The following DMD variants were observed in gnomAD, a reference collection of about 807,000 sequenced individuals.
DMD encodes the protein dystrophin.
Under a neutral mutation model 330.1 loss-of-function variants are expected in DMD, and 63 were observed. The ratio of observed to expected loss-of-function variants is 0.19; its 90% confidence interval spans 0.16 to 0.24. DMD has a LOEUF of 0.24. Ranked by LOEUF, DMD falls within the 10% of genes least tolerant of loss-of-function variation. The probability of loss-of-function intolerance (pLI) is 1.00; values close to 1 mark genes in which losing one functional copy is unlikely to be tolerated. For missense variants in DMD, 3,344 were observed against 2,684.1 expected, an observed-to-expected ratio of 1.25 and a Z score of -5.43; for synonymous variants, 1,223 against 959.8, an observed-to-expected ratio of 1.27 and a Z score of -5.07.
At chrX:32,925,145 G>GTTTTTTTTTTTTT (rs777224221) in intron 2 of DMD, among the ~76,000 whole-genome samples, 3 of 48,531 alleles carry the variant, frequency 6.2e-5, no homozygotes, top group Admixed American at 2.7e-4. Context: ...AAAACTCTGG[G>GTTTTTTTTTTTTT]TTTTTTTTTT....
chrX:32,877,452 TCTAG>T (rs943949827), intron 2 of DMD, among the ~76,000 whole-genome samples: 3 of 112,665 alleles, frequency 2.7e-5, no homozygotes, highest in Admixed American at 9.4e-5. Flanking sequence ...TTCTTTTAAC[TCTAG>T]CTATAGTACA....
chrX:31,573,783 C>T (rs2075948914), intron 55 of DMD, among the ~76,000 whole-genome samples: 1 of 110,988 alleles, frequency 9.0e-6, no homozygotes, highest in Non-Finnish European at 1.9e-5. Flanking sequence ...AGATAGAAGG[C>T]CCTTTAACCT....
At chrX:32,599,375 T>C (rs113377417) in intron 12 of DMD, among the ~76,000 whole-genome samples, 32 of 111,816 alleles carry the variant, frequency 2.9e-4, no homozygotes, top group African/African-American at 9.7e-4. Context: ...GCCTTGATCA[T>C]TGGGGTAAAG....
intron 45 of DMD, among the ~76,000 whole-genome samples, chrX:31,933,502 A>C (rs1013663885): frequency 9.0e-5 from 7 of 77,918 alleles, no homozygotes; most frequent in Non-Finnish European, 1.5e-4. Context: ...GCTTAAAATA[A>C]TTGAAAATTT....
chrX:32,704,391 A>G (rs1197553427), intron 7 of DMD, among the ~76,000 whole-genome samples: 1 of 111,963 alleles, frequency 8.9e-6, no homozygotes, highest in African/African-American at 3.2e-5. Flanking sequence ...TTGGGCAGTC[A>G]ACCTCAGGGA....
intron 1 of DMD, among the ~76,000 whole-genome samples, chrX:33,113,304 G>A (rs1169270201): frequency 2.7e-5 from 3 of 110,689 alleles, no homozygotes; most frequent in East Asian, 5.7e-4. Flanking sequence ...TGATCCGCAC[G>A]CCTCAGCCGC....
intron 60 of DMD, among the ~76,000 whole-genome samples, chrX:31,398,891 T>A (rs191616949): frequency 0.015 from 1,649 of 111,786 alleles, 9 homozygotes; most frequent in Middle Eastern, 0.023. Flanking sequence ...ACTCACTCGC[T>A]GGTCCACCCC....
chrX:32,640,327 C>T (rs1015940402), intron 11 of DMD, among the ~76,000 whole-genome samples: 51 of 107,505 alleles, frequency 4.7e-4, no homozygotes, highest in Non-Finnish European at 5.9e-4. Context: ...TGCTGTTTTA[C>T]AAAACTATAA....
intron 27 of DMD, among the ~76,000 whole-genome samples, chrX:32,443,571 T>A (rs1569562672): frequency 9.0e-6 from 1 of 110,820 alleles, no homozygotes; most frequent in Non-Finnish European, 1.9e-5. Context: ...TCTTATTAAC[T>A]TTGGTGCAGA....
chrX:32,000,349 A>G (rs1212954764), intron 44 of DMD, among the ~76,000 whole-genome samples: 2 of 112,317 alleles, frequency 1.8e-5, no homozygotes, highest in Non-Finnish European at 3.8e-5. Flanking sequence ...TTCTCAGAAC[A>G]AATAGGTTGA....
At chrX:31,826,216 G>T (rs900560117) in intron 49 of DMD, among the ~76,000 whole-genome samples, 5 of 111,548 alleles carry the variant, frequency 4.5e-5, no homozygotes, top group African/African-American at 9.8e-5. Flanking sequence ...TAAATGAGGG[G>T]TTACTATAAT....
intron 62 of DMD, among the ~76,000 whole-genome samples, chrX:31,281,223 T>C (rs950232940): frequency 8.9e-6 from 1 of 111,887 alleles, no homozygotes. Flanking sequence ...TCTTTAGATG[T>C]CATTATTTAA....
intron 44 of DMD, among the ~76,000 whole-genome samples, chrX:32,073,470 G>T (rs1334959966): frequency 1.8e-5 from 2 of 110,845 alleles, no homozygotes; most frequent in African/African-American, 6.6e-5. Context: ...AAAAATCATG[G>T]AAGAACTATT....
chrX:32,859,448 A>G (rs2081885544), intron 2 of DMD, among the ~76,000 whole-genome samples: 1 of 95,752 alleles, frequency 1.0e-5, no homozygotes, highest in African/African-American at 3.8e-5. Context: ...GGCCTTTGTG[A>G]CGAAGCAAGA....
At chrX:32,980,706 A>G (rs1230934238) in intron 2 of DMD, among the ~76,000 whole-genome samples, 4 of 111,586 alleles carry the variant, frequency 3.6e-5, no homozygotes, top group Non-Finnish European at 7.5e-5. Flanking sequence ...AAAATTTATC[A>G]TGTCTTCATA....
intron 60 of DMD, among the ~76,000 whole-genome samples, chrX:31,374,307 C>A (rs2059765673): frequency 9.9e-6 from 1 of 101,188 alleles, no homozygotes; most frequent in Non-Finnish European, 2.0e-5. Context: ...TTTGACCCAG[C>A]CATCCCATTA....
intron 56 of DMD, among the ~76,000 whole-genome samples, chrX:31,498,105 T>C (rs1476741515): frequency 2.7e-5 from 3 of 111,938 alleles, no homozygotes; most frequent in Admixed American, 9.5e-5. Context: ...TGACAATACA[T>C]AAAAGTCTTT....
chrX:31,848,734 T>C (rs2093469994), intron 48 of DMD, among the ~76,000 whole-genome samples: 1 of 110,608 alleles, frequency 9.0e-6, no homozygotes, highest in South Asian at 3.8e-4. Context: ...AATTTCATGG[T>C]CTCTTCTGAA....
At chrX:32,223,936 A>G (rs1007678090) in intron 43 of DMD, among the ~76,000 whole-genome samples, 3 of 111,901 alleles carry the variant, frequency 2.7e-5, no homozygotes, top group African/African-American at 9.7e-5. Flanking sequence ...TATTTACTAT[A>G]AAGTGATCAC....
Sources: gnomAD v4.1 joint callset for allele counts (sites outside exome capture counted in the v4.1 genomes callset) on GRCh38, gnomAD v4.1.1 for gene constraint, MANE v1.5 for transcripts, NCBI Gene and HGNC (gene_info 2026-07-23, HGNC 2026-07-21) for gene names.